The following SLC4A10 variants were observed in gnomAD, a reference collection of about 807,000 sequenced individuals.
SLC4A10 encodes the protein sodium-driven chloride bicarbonate exchanger.
Under a neutral mutation model 137.7 loss-of-function variants are expected in SLC4A10, and 42 were observed. The observed-to-expected ratio is 0.30, with a 90% CI of 0.24 to 0.39. SLC4A10 has a LOEUF of 0.39. Among genes scored for constraint, SLC4A10 ranks in the 10% least tolerant of loss-of-function variants. The pLI, the probability that SLC4A10 is intolerant of heterozygous loss-of-function variation, is 1.00. For missense variants in SLC4A10, 925 were observed against 1,355.0 expected, an observed-to-expected ratio of 0.68 and a Z score of 4.98; for synonymous variants, 474 against 464.1, an observed-to-expected ratio of 1.02 and a Z score of -0.27.
chr2:161,632,391 T>A (rs2033710815), intron 1 of SLC4A10, among the ~76,000 whole-genome samples: 1 of 151,512 alleles, frequency 6.6e-6, no homozygotes, highest in South Asian at 2.1e-4. Context: ...CTCAGATACA[T>A]GAATGTGGTT....
At chr2:161,677,346 C>A (rs2040380568) in intron 1 of SLC4A10, among the ~76,000 whole-genome samples, 1 of 152,124 alleles carries the variant, frequency 6.6e-6, no homozygotes, top group African/African-American at 2.4e-5. Flanking sequence ...GCCGAATAAA[C>A]CTGTTTTCTT....
chr2:161,723,452 G>C (rs755467683), intron 1 of SLC4A10, among the ~76,000 whole-genome samples: 35 of 152,290 alleles, frequency 2.3e-4, no homozygotes, highest in Middle Eastern at 3.4e-3. Context: ...TCTGTGACTT[G>C]ACTTTCATTG....
chr2:161,677,317 A>G (rs2040374958), intron 1 of SLC4A10, among the ~76,000 whole-genome samples: 1 of 152,114 alleles, frequency 6.6e-6, no homozygotes, highest in African/African-American at 2.4e-5. Flanking sequence ...CGCTTCTTGT[A>G]CAGCCTGCAG....
intron 1 of SLC4A10, among the ~76,000 whole-genome samples, chr2:161,727,452 C>A (rs2046347649): frequency 6.6e-6 from 1 of 152,070 alleles, no homozygotes. Flanking sequence ...AGAAAACTTC[C>A]AACATAAAAG....
Position 161,974,308 on chromosome 2 carries a change from G to A in SLC4A10, c.3219G>A (p.Gly1073=), listed in dbSNP as rs762794181. Residue 1073 remains glycine, a synonymous_variant, in exon 24 of 27, where the codon GGG becomes GGA. Transcript: ENST00000446997. ...DEGTVQLPLE[G]HYRDDPSVIN... ...GCACAGTACAACTCCCATTGGAAGGGCACTATAGGTAAGACATAAATTTAA... is the reference window on the plus strand; with the variant it reads ...GCACAGTACAACTCCCATTGGAAGGACACTATAGGTAAGACATAAATTTAA... The A allele has an allele frequency of 3.1e-5, 50 of 1,604,768 alleles. No homozygotes were observed. Among genetic ancestry groups the A allele is most frequent in the Non-Finnish European group, 2.1e-5 (25 of 1,175,858 alleles).
chr2:161,661,343 C>T (rs1241429214), intron 1 of SLC4A10, among the ~76,000 whole-genome samples: 1 of 152,108 alleles, frequency 6.6e-6, no homozygotes, highest in African/African-American at 2.4e-5. Flanking sequence ...GGCGTGGTGG[C>T]GCACGCCTGT....
At chr2:161,625,484 C>T (rs2032144579) in intron 1 of SLC4A10, among the ~76,000 whole-genome samples, 1 of 152,048 alleles carries the variant, frequency 6.6e-6, no homozygotes. Flanking sequence ...TCTATCAGTG[C>T]TACCACAGCA....
intron 1 of SLC4A10, among the ~76,000 whole-genome samples, chr2:161,672,964 T>TTTGATC (rs2039896686): frequency 6.6e-6 from 1 of 152,208 alleles, no homozygotes; most frequent in Admixed American, 6.5e-5. Flanking sequence ...GGTCATCAAA[T>TTTGATC]AAAGGTCAAA....
intron 1 of SLC4A10, among the ~76,000 whole-genome samples, chr2:161,646,393 T>A (rs1480257588): frequency 6.6e-6 from 1 of 151,998 alleles, no homozygotes; most frequent in Non-Finnish European, 1.5e-5. Flanking sequence ...AAAGGGATGG[T>A]TGCTAAAAAC....
chr2:161,957,227 C>T lies in SLC4A10; in HGVS notation c.2780C>T (p.Thr927Ile). 1 of 1,613,306 alleles carries T rather than the reference C, an allele frequency of 6.2e-7. No homozygotes were observed. Reference sequence around the variant, plus strand: ...CTTATGGGTTCATCAGTCTTTATGACCAGTATTCTGAAGGTAACAAAATCT... The same window carrying T: ...CTTATGGGTTCATCAGTCTTTATGATCAGTATTCTGAAGGTAACAAAATCT... ...FILMGSSVFM[T>I]SILKFIPMPV... The change falls in exon 20 of 27, where the codon ACC (threonine) becomes ATC (isoleucine). Residue 927 changes from threonine to isoleucine, a missense_variant. Coordinates refer to ENST00000446997, the MANE Select transcript of SLC4A10 (RefSeq NM_001178015.2).
In SLC4A10 at chr2:161,784,334, T is replaced by C. The variant is rs185760808; in HGVS notation, c.130+13280T>C. On this transcript the variant is annotated intron_variant, in intron 2 of 26. Transcript: ENST00000446997. ...TTTGAATGATGGGTAAAACATATTA[T>C]CCATTACCCACGGGCAAAACAGAGC... Among the ~76,000 whole-genome samples the C allele has an allele frequency of 1.1e-4, 16 of 151,838 alleles. No homozygotes were observed. The East Asian group carries it at 3.1e-3, about 29-fold the overall frequency.
At chr2:161,647,715 A>G (rs1181355619) in intron 1 of SLC4A10, among the ~76,000 whole-genome samples, 1 of 152,178 alleles carries the variant, frequency 6.6e-6, no homozygotes, top group African/African-American at 2.4e-5. Context: ...ATGTATAGTA[A>G]TTCTCTTTCA....
At chr2:161,792,500 C>T (rs945903778) in intron 2 of SLC4A10, among the ~76,000 whole-genome samples, 1 of 152,020 alleles carries the variant, frequency 6.6e-6, no homozygotes, top group African/African-American at 2.4e-5. Context: ...GCAGTTGTAC[C>T]ATGAAGGTGG....
intron 1 of SLC4A10, among the ~76,000 whole-genome samples, chr2:161,699,327 A>G (rs1181858230): frequency 6.6e-6 from 1 of 152,044 alleles, no homozygotes. Flanking sequence ...GCCGACATTT[A>G]TTATATTTCT....
intron 18 of SLC4A10, 121 bp downstream of exon 18, chr2:161,949,382 G>A: frequency 1.7e-6 from 1 of 593,564 alleles, no homozygotes. Context: ...TAGAAGACCA[G>A]TAAATGAAAT....
At position 161,730,432 on chromosome 2, in the gene SLC4A10, A is replaced by G. The variant is rs1283710981; in HGVS notation, c.49-40541A>G. 2.6e-5 allele frequency among the ~76,000 whole-genome samples: 4 copies of G among 152,328 alleles called. No homozygotes were observed. In the East Asian group the frequency reaches 7.7e-4, roughly 29 times the overall value. On this transcript the variant is annotated intron_variant, in intron 1 of 26. Transcript: ENST00000446997. ...TCTATTATCTGTCTATTTATCTATT[A>G]TCTCTCACTCATAAAACAACCTATT...
chr2:161,637,496 C>T lies in SLC4A10; in HGVS notation c.48+12930C>T, dbSNP rs180705793. Among the ~76,000 whole-genome samples, 12 of 152,080 alleles carry T rather than the reference C, an allele frequency of 7.9e-5. No homozygotes were observed. In the South Asian group the frequency reaches 1.0e-3, roughly 13 times the overall value. On this transcript the variant is annotated intron_variant, in intron 1 of 26. Coordinates refer to ENST00000446997, the MANE Select transcript of SLC4A10 (RefSeq NM_001178015.2). ...GATTACAGGTGTGAGCCACTGTGTCCGGCCTATCTGGCTTACATTTTTAAA... is the reference window on the plus strand; with the variant it reads ...GATTACAGGTGTGAGCCACTGTGTCTGGCCTATCTGGCTTACATTTTTAAA...
At chr2:161,972,833 C>A (rs998818230) in intron 23 of SLC4A10, among the ~76,000 whole-genome samples, 6 of 152,122 alleles carry the variant, frequency 3.9e-5, no homozygotes, top group Admixed American at 3.3e-4. Flanking sequence ...TTTCCTTGGC[C>A]AGCATGGGAG....
At chr2:161,879,440 G>A (rs1258400423) in intron 9 of SLC4A10, among the ~76,000 whole-genome samples, 152 bp downstream of exon 9, 2 of 151,912 alleles carry the variant, frequency 1.3e-5, no homozygotes, top group East Asian at 1.9e-4. Context: ...GTGGAGGAGG[G>A]GAAAAGTGCT....
Sources: allele counts gnomAD v4.1 joint callset (sites outside exome capture counted in the v4.1 genomes callset), GRCh38; gene constraint gnomAD v4.1.1; transcripts MANE v1.5; gene names NCBI Gene and HGNC (gene_info 2026-07-23, HGNC 2026-07-21).